LRRC53: variants seen among roughly 807,000 people sequenced by gnomAD.
LRRC53 encodes the protein leucine rich repeat containing 53.
Under a neutral mutation model 13.6 loss-of-function variants are expected in LRRC53, and 25 were observed. That is an observed-to-expected ratio of 1.83 (90% CI 1.34 to 2.56). The LOEUF is 2.56. Ranked by LOEUF, LRRC53 falls within the 30% of genes most tolerant of loss-of-function variation. The pLI is 0.00. For missense variants in LRRC53, 527 were observed against 275.8 expected (o/e 1.91, Z -6.45); for synonymous variants, 204 against 109.8 (o/e 1.86, Z -5.37).
At chr1:74,533,344 A>G in the LRRC53 span, among the ~76,000 whole-genome samples, 2 of 152,220 alleles carry the variant, frequency 1.3e-5, no homozygotes, top group African/African-American at 4.8e-5. Context: ...GAGAAATGCA[A>G]ATCAAAACCA....
intron 1 of LRRC53, among the ~76,000 whole-genome samples, chr1:74,486,201 A>AAGAGAGAGAGAGAGAGAGAGAG (rs58506314): frequency 8.0e-4 from 109 of 136,506 alleles, no homozygotes; most frequent in African/African-American, 1.6e-3. Flanking sequence ...AAATGCTATA[A>AAGAGAGAGAGAGAGAGAGAGAG]AGAGAGAGAG....
chr1:74,480,776 G>A lies in LRRC53; in HGVS notation c.281C>T (p.Ser94Phe). 1 of 717,538 alleles carries A rather than the reference G, an allele frequency of 1.4e-6. No homozygotes were observed. The highest frequency in any genetic ancestry group is 2.6e-6 in the Non-Finnish European group (1 of 385,112). 44.4% of individuals were successfully genotyped at this position (717,538 alleles called of 1,614,324 possible). A position where few individuals can be genotyped will look rare whatever the true frequency, so the allele number is the denominator to read the frequency against. The change falls in exon 3 of 5, where the codon TCC becomes TTC. Residue 94 changes from serine to phenylalanine, a missense_variant. Transcript: ENST00000294635. ...RTLLLEHNQI[S>F]SSSLTDHTFS... The stretch of plus-strand genomic sequence containing the variant: ...GGTGTGATCAGTGAGCGAAGAGCTG[G>A]ATATTTGGTTGTGCTCCAGCAACAA...
chr1:74,498,262 C>T (rs1379932529), intron 1 of LRRC53, among the ~76,000 whole-genome samples: 1 of 152,114 alleles, frequency 6.6e-6, no homozygotes, highest in Non-Finnish European at 1.5e-5. Flanking sequence ...TCCCCCTTAT[C>T]TTGTCAAAAT....
the LRRC53 span, among the ~76,000 whole-genome samples, chr1:74,529,990 G>C: frequency 2.0e-5 from 3 of 152,010 alleles, no homozygotes; most frequent in African/African-American, 7.2e-5. Flanking sequence ...TTTGAGGCAG[G>C]GTCTTAATCT....
the LRRC53 span, among the ~76,000 whole-genome samples, chr1:74,526,667 C>G: frequency 6.6e-6 from 1 of 152,140 alleles, no homozygotes; most frequent in Non-Finnish European, 1.5e-5. Context: ...TCCATTAGCT[C>G]ATGCATTTTA....
At chr1:74,493,484 T>G (rs900239174) in intron 1 of LRRC53, among the ~76,000 whole-genome samples, 2 of 152,190 alleles carry the variant, frequency 1.3e-5, no homozygotes, top group Non-Finnish European at 2.9e-5. Context: ...ATGCCCCAGT[T>G]CCCAATAGAT....
upstream of LRRC53, among the ~76,000 whole-genome samples, chr1:74,512,955 G>A (rs959851685): frequency 2.0e-5 from 3 of 152,150 alleles, no homozygotes; most frequent in Non-Finnish European, 2.9e-5. Flanking sequence ...ATGGCTCACC[G>A]TGGAAAACTA....
At chr1:74,533,196 A>G in the LRRC53 span, among the ~76,000 whole-genome samples, 1 of 152,212 alleles carries the variant, frequency 6.6e-6, no homozygotes, top group East Asian at 1.9e-4. Flanking sequence ...CAGAATCTAC[A>G]ATGAACTCAA....
chr1:74,473,338 A>C (rs1219181291), intron 4 of LRRC53, among the ~76,000 whole-genome samples: 2 of 152,238 alleles, frequency 1.3e-5, no homozygotes, highest in East Asian at 3.9e-4. Context: ...TCTATCTGAC[A>C]TTAAACGACC....
chr1:74,528,875 A>G, the LRRC53 span, among the ~76,000 whole-genome samples: 1 of 152,218 alleles, frequency 6.6e-6, no homozygotes, highest in Non-Finnish European at 1.5e-5. Flanking sequence ...AAGAAATGAC[A>G]GACTTTAAGG....
Position 74,482,834 on chromosome 1 carries a change from C to T in LRRC53, c.88+428G>A, listed in dbSNP as rs116507285. On this transcript the variant is annotated intron_variant, in intron 2 of 4. Transcript: ENST00000294635. ...AAAAGACCAGACTTTCAAAATGAGA[C>T]GCACTTTGATAATAATCTGTTTCAC... Among the ~76,000 whole-genome samples the T allele has an allele frequency of 3.2e-3, 486 of 152,300 alleles. 2 individuals are homozygous for T. The highest frequency in any genetic ancestry group is 0.011 in the African/African-American group (446 of 41,560).
In LRRC53 at chr1:74,471,075, C is replaced by CTCAG. The variant is rs1416246083; in HGVS notation, c.2543_2546dup (p.Glu849AspfsTer2). 2.0e-5 allele frequency: 8 copies of CTCAG among 400,746 alleles called. No individual in the cohort carries two copies. In the Admixed American group the frequency reaches 3.5e-4, roughly 18 times the overall value. The allele number at this position is 400,746 out of a possible 1,614,324, so 24.8% of individuals were successfully genotyped here. On this transcript the variant is annotated stop_gained and frameshift_variant, in exon 5 of 5. Transcript: ENST00000294635. LOFTEE classifies it low-confidence loss of function (END_TRUNC). The stretch of plus-strand genomic sequence containing the variant: ...AGAATTGAGAATGTGAGTGCCTGTG[C>CTCAG]TCAGCATCAGTGGGTGTAGGTTGGG...
intron 1 of LRRC53, among the ~76,000 whole-genome samples, chr1:74,494,196 C>T (rs1284057301): frequency 1.3e-5 from 2 of 152,186 alleles, no homozygotes; most frequent in African/African-American, 4.8e-5. Flanking sequence ...CCTGCATATA[C>T]ATACACACTC....
the LRRC53 span, among the ~76,000 whole-genome samples, chr1:74,529,804 A>G: frequency 6.6e-6 from 1 of 152,200 alleles, no homozygotes; most frequent in Non-Finnish European, 1.5e-5. Context: ...CACTTCAGCC[A>G]TTTGATTCCA....
upstream of LRRC53, among the ~76,000 whole-genome samples, chr1:74,515,143 A>G (rs1479496607): frequency 6.6e-6 from 1 of 152,092 alleles, no homozygotes; most frequent in Non-Finnish European, 1.5e-5. Context: ...TTTAACCTGC[A>G]TAACAGTGAA....
the LRRC53 span, among the ~76,000 whole-genome samples, chr1:74,518,862 AT>A: frequency 3.6e-3 from 268 of 74,270 alleles, 5 homozygotes; most frequent in Middle Eastern, 0.017. Flanking sequence ...ATTTTATTTT[AT>A]TTTTTTTCCC....
chr1:74,502,410 G>A (rs1033781526), intron 1 of LRRC53, among the ~76,000 whole-genome samples: 11 of 152,170 alleles, frequency 7.2e-5, no homozygotes, highest in Non-Finnish European at 1.3e-4. Context: ...AGATAAAACA[G>A]AAACTCAAAT....
chr1:74,490,730 G>T (rs1335794941), intron 1 of LRRC53, among the ~76,000 whole-genome samples: 3 of 152,132 alleles, frequency 2.0e-5, no homozygotes, highest in Non-Finnish European at 4.4e-5. Flanking sequence ...GGCCAAGAGG[G>T]AGCTACTCAT....
chr1:74,478,684 CT>C (rs1428285297), intron 3 of LRRC53, among the ~76,000 whole-genome samples: 1 of 152,134 alleles, frequency 6.6e-6, no homozygotes, highest in Non-Finnish European at 1.5e-5. Flanking sequence ...GTGAGTATAC[CT>C]GTTTCACTTT....
Sources: allele counts gnomAD v4.1 joint callset (sites outside exome capture counted in the v4.1 genomes callset), GRCh38; gene constraint gnomAD v4.1.1; transcripts MANE v1.5; gene names NCBI Gene and HGNC (gene_info 2026-07-23, HGNC 2026-07-21).